The following GABRG1 variants were observed in gnomAD, a reference collection of about 807,000 sequenced individuals.
GABRG1 encodes the protein gamma-aminobutyric acid receptor subunit gamma-1.
A neutral mutation model predicts 49.8 loss-of-function variants in GABRG1; 49 were observed. The observed-to-expected ratio is 0.98, with a 90% confidence interval of 0.78 to 1.25. The LOEUF is 1.25. Ranked by LOEUF, GABRG1 falls within the 50% of genes most tolerant of loss-of-function variation. GABRG1 has a pLI of 0.00. For synonymous variants in GABRG1, 232 were observed against 185.1 expected (o/e 1.25, Z -2.06); for missense variants, 552 against 552.3 (o/e 1.00, Z 0.01).
At chr4:46,097,765 G>T (rs1438819484) in intron 1 of GABRG1, among the ~76,000 whole-genome samples, 1 of 151,544 alleles carries the variant, frequency 6.6e-6, no homozygotes, top group African/African-American at 2.4e-5. Context: ...GTAATAATTA[G>T]TCTGGTAAAA....
At position 46,058,630 on chromosome 4, in the gene GABRG1, G is replaced by GA. The variant is rs765192097; in HGVS notation, c.626-9dup. Reference sequence around the variant, plus strand: ...CATTTTTAGGGTATCCATCTATAGAGAAAAAATACATAGATTAGCAAGATC... The same window carrying GA: ...CATTTTTAGGGTATCCATCTATAGAGAAAAAAATACATAGATTAGCAAGATC... On this transcript the variant is annotated splice_polypyrimidine_tract_variant and intron_variant, in intron 5 of 8. Transcript: ENST00000295452. The GA allele has an allele frequency of 3.7e-6, 6 of 1,603,374 alleles. No individual in the cohort carries two copies. Among genetic ancestry groups the GA allele is most frequent in the East Asian group, 2.2e-5 (1 of 44,690 alleles).
intron 1 of GABRG1, among the ~76,000 whole-genome samples, chr4:46,105,791 TGATAGATAGATAGATAGATA>T (rs10660132): frequency 6.9e-6 from 1 of 144,556 alleles, no homozygotes; most frequent in Non-Finnish European, 1.5e-5. Flanking sequence ...GGTAGATAGA[TGATAGATAGATAGATAGATA>T]GATAGATAGA....
At chr4:46,066,053 A>G (rs1186447032) in intron 3 of GABRG1, among the ~76,000 whole-genome samples, 1 of 152,168 alleles carries the variant, frequency 6.6e-6, no homozygotes, top group Non-Finnish European at 1.5e-5. Flanking sequence ...TGAGTCATGT[A>G]AAATGAAATC....
intron 3 of GABRG1, among the ~76,000 whole-genome samples, chr4:46,065,877 C>G (rs563102417): frequency 3.3e-5 from 5 of 152,192 alleles, no homozygotes; most frequent in Non-Finnish European, 5.9e-5. Flanking sequence ...CACCCGCCAC[C>G]ACGCCTGGCT....
At chr4:46,083,658 T>C (rs1461623175) in intron 3 of GABRG1, among the ~76,000 whole-genome samples, 1 of 151,596 alleles carries the variant, frequency 6.6e-6, no homozygotes, top group Non-Finnish European at 1.5e-5. Context: ...GTCTTTTTTT[T>C]CTCTGATTGA....
At position 46,041,061 on chromosome 4, in the gene GABRG1, T is replaced by A; in HGVS notation, c.1325A>T (p.Tyr442Phe). The A allele has an allele frequency of 1.2e-6, 2 of 1,613,024 alleles. No homozygotes were observed. Among genetic ancestry groups the A allele is most frequent in the Non-Finnish European group, 1.7e-6 (2 of 1,179,332 alleles). ...IHIRIAKIDSYSRIFFPTAFA... is the reference protein window; with the variant it reads ...IHIRIAKIDSFSRIFFPTAFA... ...AGCGGTTGGGAAAAATATTCTAGAA[T>A]AAGAGTCAATTTTGGCAATGCGTAT... Residue 442 changes from tyrosine (Y) to phenylalanine (F), a missense_variant, in exon 9 of 9, where the codon TAT (tyrosine) becomes TTT (phenylalanine). Physicochemically the swap from Tyr to Phe is conservative, Grantham distance 22. Coordinates refer to ENST00000295452, the MANE Select transcript of GABRG1 (RefSeq NM_173536.4).
chr4:46,065,284 G>T (rs1718864840), intron 4 of GABRG1, 80 bp downstream of exon 4: 2 of 1,021,666 alleles, frequency 2.0e-6, no homozygotes, highest in Admixed American at 2.7e-5. Flanking sequence ...GCAACTTTGA[G>T]AAATAAAAAA....
intron 7 of GABRG1, among the ~76,000 whole-genome samples, chr4:46,055,913 T>A (rs1319041715): frequency 8.6e-5 from 1 of 11,686 alleles, no homozygotes; most frequent in East Asian, 1.4e-3. Context: ...TGAGATCACA[T>A]GGACACAGGA....
rs1190939890 is a variant in GABRG1, at chr4:46,118,066, A to G, written c.104+5744T>C. ...TGTATACATGTGTGTATGTATACAT[A>G]TGTGTGTGTATATATATACATATGT... On this transcript the variant is annotated intron_variant, in intron 1 of 8. Transcript: ENST00000295452. 2.2e-5 allele frequency among the ~76,000 whole-genome samples: 3 copies of G among 133,428 alleles called. 1 individual carries two copies. The highest frequency in any genetic ancestry group is 2.1e-4 in the South Asian group (1 of 4,666). The allele number at this position is 133,428 out of a possible 152,430, so 87.5% of individuals were successfully genotyped here. A position where few individuals can be genotyped will look rare whatever the true frequency, so the allele number is the denominator to read the frequency against.
intron 8 of GABRG1, among the ~76,000 whole-genome samples, chr4:46,048,662 AGAAG>A (rs552231222): frequency 5.5e-4 from 81 of 148,358 alleles, no homozygotes; most frequent in Admixed American, 1.3e-3. Context: ...AAGGAAAGAA[AGAAG>A]GAAGGAAGGA....
In GABRG1 at chr4:46,058,198, A is replaced by G; in HGVS notation, c.916+19T>C. On this transcript the variant is annotated intron_variant, in intron 7 of 8. Coordinates refer to ENST00000295452, the MANE Select transcript of GABRG1 (RefSeq NM_173536.4). ...TTTTAAAGTTCTATGGCATTATAGC[A>G]TAATATTACATGTCATACCCAACGA... The G allele has an allele frequency of 6.3e-7, 1 of 1,596,882 alleles. No individual in the cohort carries two copies. The highest frequency in any genetic ancestry group is 8.5e-7 in the Non-Finnish European group (1 of 1,172,982).
chr4:46,097,124 G>A, intron 2 of GABRG1, 77 bp downstream of exon 2: 1 of 1,256,568 alleles, frequency 8.0e-7, no homozygotes, highest in Non-Finnish European at 1.1e-6. Flanking sequence ...CAAGGAATAA[G>A]AAATAATGAT....
intron 1 of GABRG1, among the ~76,000 whole-genome samples, chr4:46,107,727 C>A (rs552262567): frequency 6.6e-6 from 1 of 150,954 alleles, no homozygotes; most frequent in South Asian, 2.1e-4. Context: ...ATTCTGTTAA[C>A]TTGTTGTTAC....
intron 1 of GABRG1, among the ~76,000 whole-genome samples, chr4:46,123,242 G>A (rs909643444): frequency 6.6e-6 from 1 of 151,382 alleles, no homozygotes; most frequent in Non-Finnish European, 1.5e-5. Context: ...AATATACACG[G>A]TCAGTTTTTA....
intron 3 of GABRG1, among the ~76,000 whole-genome samples, chr4:46,075,862 T>G (rs1719306771): frequency 6.6e-6 from 1 of 152,032 alleles, no homozygotes; most frequent in Non-Finnish European, 1.5e-5. Flanking sequence ...TAAAGAAAGA[T>G]AAATACAAAT....
chr4:46,047,128 C>T (rs1718028865), intron 8 of GABRG1, among the ~76,000 whole-genome samples: 1 of 152,082 alleles, frequency 6.6e-6, no homozygotes, highest in African/African-American at 2.4e-5. Context: ...CTATTGAGCA[C>T]TTGAAATGCG....
intron 8 of GABRG1, among the ~76,000 whole-genome samples, chr4:46,047,262 AC>A (rs1236016757): frequency 6.6e-6 from 1 of 152,064 alleles, no homozygotes; most frequent in African/African-American, 2.4e-5. Context: ...ATGCTAGTCT[AC>A]TTTTTGTTCT....
rs937342241 is a variant in GABRG1, at chr4:46,090,436, T to C, written c.254-6383A>G. On this transcript the variant is annotated intron_variant, in intron 2 of 8. Transcript: ENST00000295452. ...TGGATTCTATTCTACAAATACTTGG[T>C]AAATATTAAGAGAACCTAGTTTATA... Among the ~76,000 whole-genome samples the C allele has an allele frequency of 2.6e-5, 4 of 152,164 alleles. 1 individual carries two copies. The South Asian group carries it at 8.3e-4, about 32-fold the overall frequency.
rs1479605556 is a variant in GABRG1 at position 46,038,356 on chromosome 4, A to G, written c.*2632T>C. Reference sequence around the variant, plus strand: ...CTCAGAATTTCTAGATCCTTGTCACATATTTAGAGGATAGGTCTATATAAA... The same window carrying G: ...CTCAGAATTTCTAGATCCTTGTCACGTATTTAGAGGATAGGTCTATATAAA... On this transcript the variant is annotated 3_prime_UTR_variant, in exon 9 of 9. Transcript: ENST00000295452. 1 of 151,644 alleles carries G rather than the reference A, an allele frequency of 6.6e-6. No individual in the cohort carries two copies. Among genetic ancestry groups the G allele is most frequent in the Non-Finnish European group, 1.5e-5 (1 of 67,694 alleles). The allele number at this position is 151,644 out of a possible 1,614,324, so 9.4% of individuals were successfully genotyped here. A position where few individuals can be genotyped will look rare whatever the true frequency, so the allele number is the denominator to read the frequency against.
Sources: gnomAD v4.1 joint callset for allele counts (sites outside exome capture counted in the v4.1 genomes callset) on GRCh38, gnomAD v4.1.1 for gene constraint, MANE v1.5 for transcripts, NCBI Gene and HGNC (gene_info 2026-07-23, HGNC 2026-07-21) for gene names.